Variants in PIP5K1B observed in about 807,000 individuals in gnomAD.
PIP5K1B encodes the protein phosphatidylinositol 4-phosphate 5-kinase type-1 beta.
PIP5K1B carries 42 observed loss-of-function variants against 67.0 expected under a neutral mutation model. The ratio of observed to expected loss-of-function variants is 0.63; its 90% CI spans 0.49 to 0.81. The LOEUF (loss-of-function observed/expected upper bound fraction) is 0.81. Among genes scored for constraint, PIP5K1B ranks in the 30% least tolerant of loss-of-function variants. The pLI is 0.00. For missense variants in PIP5K1B, 459 were observed against 646.3 expected, an observed-to-expected ratio of 0.71 and a Z score of 3.14; for synonymous variants, 214 against 231.4, an observed-to-expected ratio of 0.92 and a Z score of 0.68.
At chr9:69,004,226 C>T (rs980475144) in intron 15 of PIP5K1B, among the ~76,000 whole-genome samples, 25 of 152,174 alleles carry the variant, frequency 1.6e-4, no homozygotes, top group South Asian at 4.1e-4. Flanking sequence ...CAACTATTAA[C>T]GACACTTTTT....
chr9:68,783,255 C>A (rs1432234550), intron 2 of PIP5K1B: 1 of 166,992 alleles, frequency 6.0e-6, no homozygotes, highest in Non-Finnish European at 1.5e-5. Context: ...ATCCTCTCCT[C>A]ATCTCTGTTC....
At chr9:68,998,765 G>A (rs1423575390) in intron 15 of PIP5K1B, among the ~76,000 whole-genome samples, 1 of 152,122 alleles carries the variant, frequency 6.6e-6, no homozygotes, top group Non-Finnish European at 1.5e-5. Context: ...GTTCTCATTC[G>A]TGCCATTTCC....
At chr9:68,750,179 T>TA (rs1829550982) in intron 2 of PIP5K1B, among the ~76,000 whole-genome samples, 1 of 152,238 alleles carries the variant, frequency 6.6e-6, no homozygotes, top group Non-Finnish European at 1.5e-5. Context: ...GTTTCTGTTA[T>TA]AGAACTAATG....
intron 2 of PIP5K1B, among the ~76,000 whole-genome samples, chr9:68,747,007 T>C (rs550400989): frequency 6.6e-6 from 1 of 152,038 alleles, no homozygotes; most frequent in African/African-American, 2.4e-5. Flanking sequence ...TCTTTCTCCT[T>C]AGGAATAGAA....
chr9:68,894,055 A>G (rs1824956583), intron 7 of PIP5K1B, among the ~76,000 whole-genome samples: 1 of 152,210 alleles, frequency 6.6e-6, no homozygotes, highest in African/African-American at 2.4e-5. Flanking sequence ...ATAGTCACTC[A>G]TGGCACCAGT....
intron 8 of PIP5K1B, among the ~76,000 whole-genome samples, chr9:68,907,818 A>G (rs1825686961): frequency 6.6e-6 from 1 of 152,258 alleles, no homozygotes; most frequent in African/African-American, 2.4e-5. Context: ...AAAAATGAAT[A>G]GGATGTAGTC....
chr9:68,715,228 C>G (rs1250899083), intron 1 of PIP5K1B, among the ~76,000 whole-genome samples: 1 of 152,212 alleles, frequency 6.6e-6, no homozygotes, highest in Non-Finnish European at 1.5e-5. Flanking sequence ...GGAGTGGGGC[C>G]TGGGGCTGGG....
intron 4 of PIP5K1B, among the ~76,000 whole-genome samples, chr9:68,839,042 G>GA (rs2132143580): frequency 6.6e-6 from 1 of 152,282 alleles, no homozygotes; most frequent in African/African-American, 2.4e-5. Context: ...GTAATGTGTG[G>GA]AAATTATCTT....
At chr9:68,943,283 T>C (rs1827650301) in intron 14 of PIP5K1B, among the ~76,000 whole-genome samples, 1 of 152,136 alleles carries the variant, frequency 6.6e-6, no homozygotes, top group African/African-American at 2.4e-5. Flanking sequence ...CTCCTGTAGG[T>C]ATGTCTGCTT....
intron 14 of PIP5K1B, among the ~76,000 whole-genome samples, chr9:68,985,452 A>G (rs147972691): frequency 9.5e-4 from 145 of 152,166 alleles, no homozygotes; most frequent in Middle Eastern, 3.4e-3. Context: ...GGATTTTGCC[A>G]TGTTGGCCAG....
chr9:68,814,456 A>T (rs1833330183), intron 2 of PIP5K1B, among the ~76,000 whole-genome samples: 2 of 152,214 alleles, frequency 1.3e-5, no homozygotes, highest in South Asian at 4.1e-4. Context: ...ATAAGGCAAA[A>T]AAATGAAGTA....
chr9:68,961,987 A>G lies in PIP5K1B; in HGVS notation c.1502+21197A>G, dbSNP rs1282733697. On this transcript the variant is annotated intron_variant, in intron 14 of 15. Coordinates refer to ENST00000265382, the MANE Select transcript of PIP5K1B (RefSeq NM_003558.4). ...ACACATGCTATTTCATGGATTCCCA[A>G]TGCTTCTAATTCTTCAGCCTTTTGA... is the stretch of plus-strand genomic sequence containing the variant. Among the ~76,000 whole-genome samples, 3 of 152,146 alleles carry G rather than the reference A, an allele frequency of 2.0e-5. No homozygotes were observed. In the South Asian group the frequency reaches 6.2e-4, roughly 32 times the overall value.
chr9:68,754,887 C>CT (rs1484735249), intron 2 of PIP5K1B, among the ~76,000 whole-genome samples: 1 of 151,984 alleles, frequency 6.6e-6, no homozygotes, highest in South Asian at 2.1e-4. Context: ...GTGCTAGTCT[C>CT]TTTTTTTTAA....
In PIP5K1B at chr9:68,735,257, A is replaced by G. The variant is rs1488358921; in HGVS notation, c.-242-7244A>G. Among the ~76,000 whole-genome samples, 6 of 144,210 alleles carry G rather than the reference A, an allele frequency of 4.2e-5. No homozygotes were observed. The South Asian group carries it at 1.1e-3, about 26-fold the overall frequency. 94.6% of individuals were successfully genotyped at this position (144,210 alleles called of 152,430 possible). Reference sequence around the variant, plus strand: ...TATATACATTTGCCACAATTCATTAACTAATTTTGATATACTACTGTTAAT... The same window carrying G: ...TATATACATTTGCCACAATTCATTAGCTAATTTTGATATACTACTGTTAAT... On this transcript the variant is annotated intron_variant, in intron 1 of 15. Coordinates refer to ENST00000265382, the MANE Select transcript of PIP5K1B (RefSeq NM_003558.4).
At chr9:68,783,948 G>A (rs1014771018) in intron 2 of PIP5K1B, 2 of 167,170 alleles carry the variant, frequency 1.2e-5, no homozygotes, top group Non-Finnish European at 2.9e-5. Context: ...AGGAGGCCCT[G>A]AGGAATTTGG....
chr9:68,823,913 T>G (rs536388921), intron 4 of PIP5K1B, among the ~76,000 whole-genome samples: 25 of 152,300 alleles, frequency 1.6e-4, no homozygotes, highest in African/African-American at 5.8e-4. Flanking sequence ...CTGGCATATC[T>G]TCTTTATCTG....
At chr9:68,964,294 G>A (rs1828905841) in intron 14 of PIP5K1B, among the ~76,000 whole-genome samples, 1 of 151,824 alleles carries the variant, frequency 6.6e-6, no homozygotes, top group African/African-American at 2.4e-5. Flanking sequence ...TTTCTTAAGG[G>A]TTTATAAAAG....
intron 2 of PIP5K1B, among the ~76,000 whole-genome samples, chr9:68,746,976 G>A (rs1361355956): frequency 6.6e-6 from 1 of 152,096 alleles, no homozygotes; most frequent in Non-Finnish European, 1.5e-5. Flanking sequence ...CACAGTTGGG[G>A]ATTCATGGGC....
At chr9:68,706,337 G>C (rs569795239) in intron 1 of PIP5K1B, 1 of 152,362 alleles carries the variant, frequency 6.6e-6, no homozygotes, top group South Asian at 2.1e-4. Context: ...GGGAGTGTAG[G>C]GGCACTGGGG....
Sources: gnomAD v4.1 joint callset for allele counts (sites outside exome capture counted in the v4.1 genomes callset) on GRCh38, gnomAD v4.1.1 for gene constraint, MANE v1.5 for transcripts, NCBI Gene and HGNC (gene_info 2026-07-23, HGNC 2026-07-21) for gene names.